The following NUDT19 variants were observed in gnomAD, a reference collection of about 807,000 sequenced individuals.
NUDT19 encodes the protein acyl-coenzyme A diphosphatase NUDT19.
A neutral mutation model predicts 22.2 loss-of-function variants in NUDT19; 31 were observed. That is an observed-to-expected ratio of 1.40 (90% confidence interval 1.05 to 1.89). NUDT19 has a LOEUF of 1.89. NUDT19 is among the 40% of genes most tolerant of loss of function. The pLI is 0.00. For missense variants in NUDT19, 752 were observed against 514.2 expected (o/e 1.46, Z -4.47); for synonymous variants, 325 against 230.8 (o/e 1.41, Z -3.70).
In NUDT19 at chr19:32,709,319, T is replaced by C; in HGVS notation, c.849T>C (p.Arg283=). The change falls in exon 2 of 3, where the codon CGT becomes CGC. Residue 283 remains arginine, a synonymous_variant. Coordinates refer to ENST00000397061, the MANE Select transcript of NUDT19 (RefSeq NM_001105570.2). ...ACTTGCACAAATTTTGTTTGGGTCGTGCATTAGAAGGACTGGAAAGGTGGC... is the reference window on the plus strand; with the variant it reads ...ACTTGCACAAATTTTGTTTGGGTCGCGCATTAGAAGGACTGGAAAGGTGGC... ...LSDLHKFCLG[R]ALEGLERWLP... is the part of the protein sequence containing the mutation. 6.2e-7 allele frequency: 1 copy of C among 1,614,222 alleles called. No individual in the cohort carries two copies. The highest frequency in any genetic ancestry group is 8.5e-7 in the Non-Finnish European group (1 of 1,180,042).
At chr19:32,711,355 C>T (rs1477879774) in intron 2 of NUDT19, among the ~76,000 whole-genome samples, 1 of 151,704 alleles carries the variant, frequency 6.6e-6, no homozygotes, top group Non-Finnish European at 1.5e-5. Flanking sequence ...CCCAGTTACT[C>T]GGGAGGCTGA....
Position 32,692,329 on chromosome 19 carries a change from CT to C in NUDT19, c.371del (p.Phe124SerfsTer141). 6.3e-7 allele frequency: 1 copy of C among 1,592,010 alleles called. No homozygotes were observed. Among genetic ancestry groups the C allele is most frequent in the African/African-American group, 1.4e-5 (1 of 73,668 alleles). ...CTGGGACGCTGCCTGAGGACGTAGC[CT>C]TCCGCATCTGCGCCGTGCGGGAGGC... ...NTGTLPEDVA[F>X]RICAVREAFE... On this transcript the variant is annotated frameshift_variant, in exon 1 of 3. Transcript: ENST00000397061. LOFTEE classifies it high-confidence loss of function.
chr19:32,708,915 G>A (rs1002215594), intron 1 of NUDT19, among the ~76,000 whole-genome samples: 3 of 152,142 alleles, frequency 2.0e-5, no homozygotes, highest in African/African-American at 7.2e-5. Flanking sequence ...CACCTCTTAT[G>A]CTGAACAGCT....
intron 1 of NUDT19, 125 bp downstream of exon 1, chr19:32,692,799 C>T (rs142832551): frequency 5.2e-5 from 34 of 650,764 alleles, no homozygotes; most frequent in Middle Eastern, 8.8e-4. Context: ...CAGCAAGGAA[C>T]GCTTAGACGG....
intron 1 of NUDT19, among the ~76,000 whole-genome samples, chr19:32,696,844 AT>A (rs1396844870): frequency 6.6e-6 from 1 of 152,112 alleles, no homozygotes; most frequent in Non-Finnish European, 1.5e-5. Context: ...GAGGAAGTCA[AT>A]TTCCTGGCCC....
chr19:32,701,238 C>G (rs1263691239), intron 1 of NUDT19, among the ~76,000 whole-genome samples: 1 of 115,810 alleles, frequency 8.6e-6, no homozygotes, highest in Non-Finnish European at 1.6e-5. Context: ...CAGAGTCTTG[C>G]TCTGTCACCC....
At chr19:32,702,816 C>A (rs1175193439) in intron 1 of NUDT19, among the ~76,000 whole-genome samples, 1 of 152,030 alleles carries the variant, frequency 6.6e-6, no homozygotes, top group Non-Finnish European at 1.5e-5. Context: ...CCATTATTAA[C>A]TTATTAACTA....
At chr19:32,708,963 T>C (rs1968417029) in intron 1 of NUDT19, among the ~76,000 whole-genome samples, 1 of 152,196 alleles carries the variant, frequency 6.6e-6, no homozygotes, top group Non-Finnish European at 1.5e-5. Flanking sequence ...CCTGGTTTAT[T>C]TACTAGTTCT....
chr19:32,692,927 T>C (rs1968217439), intron 1 of NUDT19, among the ~76,000 whole-genome samples: 1 of 152,266 alleles, frequency 6.6e-6, no homozygotes. Flanking sequence ...TCCTCCAGCG[T>C]GGCCACTGTG....
In NUDT19 at chr19:32,712,240, A is replaced by G. The variant is rs1441336713; in HGVS notation, c.*283A>G. ...CAGGCGCCCGCCACCATGCCCAGCTAATTTTTTTTTGTATTTTTAGTAGAG... is the reference window on the plus strand; with the variant it reads ...CAGGCGCCCGCCACCATGCCCAGCTGATTTTTTTTTGTATTTTTAGTAGAG... On this transcript the variant is annotated 3_prime_UTR_variant, in exon 3 of 3. Coordinates refer to ENST00000397061, the MANE Select transcript of NUDT19 (RefSeq NM_001105570.2). The G allele has an allele frequency of 3.2e-5, 9 of 285,546 alleles. No homozygotes were observed. Among genetic ancestry groups the G allele is most frequent in the Admixed American group, 4.9e-5 (1 of 20,540 alleles). 17.7% of individuals were successfully genotyped at this position (285,546 alleles called of 1,614,324 possible). A position where few individuals can be genotyped will look rare whatever the true frequency, so the allele number is the denominator to read the frequency against.
intron 1 of NUDT19, 85 bp from the exon 2 acceptor site, chr19:32,709,100 C>T: frequency 1.1e-6 from 1 of 872,116 alleles, no homozygotes; most frequent in Non-Finnish European, 2.0e-6. Flanking sequence ...ACATTCAGTT[C>T]TACCTTAGGT....
chr19:32,707,413 A>G (rs1413449064), intron 1 of NUDT19, among the ~76,000 whole-genome samples: 1 of 152,220 alleles, frequency 6.6e-6, no homozygotes, highest in African/African-American at 2.4e-5. Context: ...CTTCTCAGTC[A>G]ATGTTTAAGC....
At chr19:32,707,789 G>A (rs1275796998) in intron 1 of NUDT19, among the ~76,000 whole-genome samples, 1 of 151,258 alleles carries the variant, frequency 6.6e-6, no homozygotes, top group African/African-American at 2.4e-5. Context: ...CCATCCTGGT[G>A]AACACGGTGA....
chr19:32,711,620 T>C, intron 2 of NUDT19, 132 bp from the exon 3 acceptor site: 1 of 620,336 alleles, frequency 1.6e-6, no homozygotes, highest in South Asian at 2.1e-5. Context: ...ATAAAAATAC[T>C]GATTTGTATT....
chr19:32,692,626 C>G lies in NUDT19; in HGVS notation c.666C>G (p.Arg222=), dbSNP rs756614561. ...FDTAFFLCCL[R]EPPPVYPDLA... Reference sequence around the variant, plus strand: ...CGGCCTTCTTCCTGTGCTGCCTGCGCGAGCCGCCGCCCGTCTACCCCGACT... The same window carrying G: ...CGGCCTTCTTCCTGTGCTGCCTGCGGGAGCCGCCGCCCGTCTACCCCGACT... Residue 222 remains arginine, a synonymous_variant, in exon 1 of 3, where the codon CGC becomes CGG. Transcript: ENST00000397061. 58 of 1,535,194 alleles carry G rather than the reference C, an allele frequency of 3.8e-5. No homozygotes were observed. Among genetic ancestry groups the G allele is most frequent in the Non-Finnish European group, 4.9e-5 (56 of 1,146,518 alleles).
intron 1 of NUDT19, among the ~76,000 whole-genome samples, chr19:32,707,645 C>T (rs1270945354): frequency 6.6e-6 from 1 of 152,050 alleles, no homozygotes; most frequent in African/African-American, 2.4e-5. Context: ...GATTTCAAGA[C>T]CAGCCTGGCC....
chr19:32,713,636 A>G lies in NUDT19; in HGVS notation c.*1679A>G, dbSNP rs1968471244. Reference sequence around the variant, plus strand: ...CTTTCAAGAGGAATAATGTTTATTGATTAAAGGTGAGAAATGATAGTTAAG... The same window carrying G: ...CTTTCAAGAGGAATAATGTTTATTGGTTAAAGGTGAGAAATGATAGTTAAG... On this transcript the variant is annotated 3_prime_UTR_variant, in exon 3 of 3. Transcript: ENST00000397061. The G allele has an allele frequency of 6.6e-6, 1 of 152,188 alleles. No individual in the cohort carries two copies. The highest frequency in any genetic ancestry group is 2.1e-4 in the South Asian group (1 of 4,828). The allele number at this position is 152,188 out of a possible 1,614,324, so 9.4% of individuals were successfully genotyped here. A position where few individuals can be genotyped will look rare whatever the true frequency, so the allele number is the denominator to read the frequency against.
intron 2 of NUDT19, among the ~76,000 whole-genome samples, chr19:32,711,100 C>T (rs1968442266): frequency 6.6e-6 from 1 of 152,064 alleles, no homozygotes; most frequent in African/African-American, 2.4e-5. Context: ...ACAGTGGAAA[C>T]ATACCAGTCA....
rs1308742195 is a variant in NUDT19, at chr19:32,691,853, G to C, written c.-108G>C. The C allele has an allele frequency of 1.8e-6, 1 of 564,818 alleles. No homozygotes were observed. Among genetic ancestry groups the C allele is most frequent in the Non-Finnish European group, 2.5e-6 (1 of 393,568 alleles). The allele number at this position is 564,818 out of a possible 1,614,324, so 35.0% of individuals were successfully genotyped here. A position where few individuals can be genotyped will look rare whatever the true frequency, so the allele number is the denominator to read the frequency against. ...CAGGTTCACCCAACGCCAGAGGCTC[G>C]TCCTCAATTCCCGCGAGGCCCCCGG... On this transcript the variant is annotated 5_prime_UTR_variant, in exon 1 of 3. Coordinates refer to ENST00000397061, the MANE Select transcript of NUDT19 (RefSeq NM_001105570.2).
Sources: gnomAD v4.1 joint callset for allele counts (sites outside exome capture counted in the v4.1 genomes callset) on GRCh38, gnomAD v4.1.1 for gene constraint, MANE v1.5 for transcripts, NCBI Gene and HGNC (gene_info 2026-07-23, HGNC 2026-07-21) for gene names.